Variants in HSF1 observed in about 807,000 individuals in gnomAD.
HSF1 encodes heat shock factor protein 1.
HSF1 carries 32 observed loss-of-function variants against 51.7 expected under a neutral mutation model. That is an observed-to-expected ratio of 0.62 (90% CI 0.47 to 0.83). The LOEUF (loss-of-function observed/expected upper bound fraction) is 0.83. Among genes scored for constraint, HSF1 ranks in the 40% least tolerant of loss-of-function variants. The pLI is 0.00. For missense variants in HSF1, 727 were observed against 717.0 expected (o/e 1.01, Z -0.16); for synonymous variants, 396 against 309.7 (o/e 1.28, Z -2.92).
chr8:144,313,806 GC>G, intron 10 of HSF1, 39 bp from the exon 11 acceptor site: 1 of 872,100 alleles, frequency 1.1e-6, no homozygotes, highest in Non-Finnish European at 1.5e-6. Context: ...TCCCCGCCCC[GC>G]CCCCGGGTGC....
rs1815105685 is a variant in HSF1 at position 144,291,821 on chromosome 8, C to T, written c.64C>T (p.Leu22=). ...PSNVPAFLTK[L]WTLVSDPDTD... ...CAACGTCCCGGCCTTCCTGACCAAG[C>T]TGTGGACCCTCGTGAGCGACCCGGA... Residue 22 remains leucine (L), a synonymous_variant, in exon 1 of 13, where the codon CTG becomes TTG. Transcript: ENST00000528838. The surrounding 1 kb of genome is among the most constrained non-coding windows in gnomAD (Gnocchi z 4.1). The T allele has an allele frequency of 1.1e-5, 17 of 1,558,356 alleles. No homozygotes were observed. Among genetic ancestry groups the T allele is most frequent in the Non-Finnish European group, 1.4e-5 (16 of 1,157,012 alleles).
intron 1 of HSF1, among the ~76,000 whole-genome samples, chr8:144,298,125 A>G (rs563298357): frequency 7.2e-5 from 11 of 152,278 alleles, no homozygotes; most frequent in Non-Finnish European, 1.5e-4. Flanking sequence ...GCCTGTGGTC[A>G]GCAGAGGAGG....
In HSF1 at chr8:144,314,146, C is replaced by T. The variant is rs367584997; in HGVS notation, c.1406C>T (p.Thr469Ile). The change falls in exon 13 of 13, where the codon ACA (threonine) becomes ATA (isoleucine). Residue 469 changes from threonine (T) to isoleucine (I), a missense_variant. Thr to Ile is a moderately conservative substitution (Grantham distance 89). Around this residue, in one of 2 missense-constraint regions of HSF1, gnomAD observed 470 missense variants for 398.8 expected, o/e 1.18. Coordinates refer to ENST00000528838, the MANE Select transcript of HSF1 (RefSeq NM_005526.4). ...PDSGKQLVHYTAQPLFLLDPG... is the reference protein window; with the variant it reads ...PDSGKQLVHYIAQPLFLLDPG... ...GCAGGGAAGCAGCTGGTGCACTACA[C>T]AGCGCAGCCGCTGTTCCTGCTGGAC... 3 of 1,542,836 alleles carry T rather than the reference C, an allele frequency of 1.9e-6. No individual in the cohort carries two copies. The highest frequency in any genetic ancestry group is 4.0e-5 in the Admixed American group (2 of 50,396).
chr8:144,296,722 G>T (rs1815487543), intron 1 of HSF1, among the ~76,000 whole-genome samples: 1 of 152,016 alleles, frequency 6.6e-6, no homozygotes, highest in Non-Finnish European at 1.5e-5. Context: ...CAGGAGAACG[G>T]CGTGAACCCA....
chr8:144,300,070 G>A (rs1815751759), intron 1 of HSF1, among the ~76,000 whole-genome samples: 1 of 152,150 alleles, frequency 6.6e-6, no homozygotes, highest in Non-Finnish European at 1.5e-5. Context: ...CCAGAAGCCT[G>A]GGCTTTACCT....
At chr8:144,301,550 G>C (rs760350726) in intron 1 of HSF1, among the ~76,000 whole-genome samples, 47 of 152,264 alleles carry the variant, frequency 3.1e-4, no homozygotes, top group Non-Finnish European at 5.6e-4. Flanking sequence ...GCTGGAACAG[G>C]CTGGTGAAGA....
intron 1 of HSF1, among the ~76,000 whole-genome samples, chr8:144,307,768 C>T (rs1816319154): frequency 6.6e-6 from 1 of 152,064 alleles, no homozygotes; most frequent in Admixed American, 6.5e-5. Flanking sequence ...TGCACTCCAG[C>T]CTGAGCAAGA....
chr8:144,296,952 C>G (rs1356631677), intron 1 of HSF1, among the ~76,000 whole-genome samples: 1 of 151,970 alleles, frequency 6.6e-6, no homozygotes, highest in Non-Finnish European at 1.5e-5. Flanking sequence ...GAGGAGGGGC[C>G]CAGGGCACAG....
intron 1 of HSF1, among the ~76,000 whole-genome samples, chr8:144,295,822 G>A (rs1457327823): frequency 6.6e-6 from 1 of 151,552 alleles, no homozygotes; most frequent in East Asian, 2.0e-4. Context: ...TCAGCCTCCC[G>A]AAGTGCTGGG....
At chr8:144,311,632 G>A (rs1816668124) in intron 7 of HSF1, 31 bp downstream of exon 7, 1 of 1,612,370 alleles carries the variant, frequency 6.2e-7, no homozygotes, top group African/African-American at 1.3e-5. Flanking sequence ...ACCCGCCCAG[G>A]CATGCAGGCG....
chr8:144,298,747 T>C lies in HSF1; in HGVS notation c.117+6873T>C, dbSNP rs180940337. 2.8e-3 allele frequency among the ~76,000 whole-genome samples: 432 copies of C among 152,260 alleles called. 2 individuals are homozygous for C. The highest frequency in any genetic ancestry group is 9.8e-3 in the African/African-American group (406 of 41,538). ...TTTGGGGCAGCTGAGGCAGCTAGAA[T>C]GTGTGGGGTGTGGTACCAGAAAGGA... On this transcript the variant is annotated intron_variant, in intron 1 of 12. Transcript: ENST00000528838.
chr8:144,297,769 A>C lies in HSF1; in HGVS notation c.117+5895A>C, dbSNP rs754726237. Among the ~76,000 whole-genome samples the C allele has an allele frequency of 1.3e-5, 2 of 152,190 alleles. No homozygotes were observed. Among genetic ancestry groups the C allele is most frequent in the Non-Finnish European group, 2.9e-5 (2 of 68,028 alleles). Reference sequence around the variant, plus strand: ...TCACCGGTCAGCAGATACAGCTTTGACTTGGCAGGAGGCTGGAACAAGAGG... The same window carrying C: ...TCACCGGTCAGCAGATACAGCTTTGCCTTGGCAGGAGGCTGGAACAAGAGG... On this transcript the variant is annotated intron_variant, in intron 1 of 12. Transcript: ENST00000528838. The surrounding 1 kb of genome is among the most constrained non-coding windows in gnomAD (Gnocchi z 4.6).
intron 3 of HSF1, 67 bp from the exon 4 acceptor site, chr8:144,309,705 T>C: frequency 6.3e-7 from 1 of 1,585,822 alleles, no homozygotes; most frequent in South Asian, 1.1e-5. Flanking sequence ...CTGGCTGCAG[T>C]GGACGAGCCT....
At chr8:144,295,636 C>G (rs1187504045) in intron 1 of HSF1, among the ~76,000 whole-genome samples, 1 of 152,032 alleles carries the variant, frequency 6.6e-6, no homozygotes, top group Non-Finnish European at 1.5e-5. Context: ...TCGCTGCAGC[C>G]TCTGCCTCCC....
At chr8:144,292,253 G>A (rs117467870) in intron 1 of HSF1, among the ~76,000 whole-genome samples, 1 of 152,358 alleles carries the variant, frequency 6.6e-6, no homozygotes, top group Non-Finnish European at 1.5e-5. Flanking sequence ...CGTCCCCAGG[G>A]GACAGCCTAC....
chr8:144,299,630 C>G (rs782323111), intron 1 of HSF1, among the ~76,000 whole-genome samples: 1 of 152,054 alleles, frequency 6.6e-6, no homozygotes, highest in South Asian at 2.1e-4. Flanking sequence ...TGACTGAGGG[C>G]TGGGCGTGGT....
rs374904260 is a variant in HSF1, at chr8:144,297,986, T to A, written c.117+6112T>A. On this transcript the variant is annotated intron_variant, in intron 1 of 12. Transcript: ENST00000528838. This position sits in a 1 kb window ranked among gnomAD's most constrained non-coding sequence, Gnocchi z 4.6. ...ATGAGGCCACAGGCTCCAAGTTTAC[T>A]GCAAGCTGCGGGGTTTGCTGACACC... Among the ~76,000 whole-genome samples the A allele has an allele frequency of 2.8e-4, 42 of 152,362 alleles. No individual in the cohort carries two copies. The highest frequency in any genetic ancestry group is 9.6e-4 in the African/African-American group (40 of 41,600).
intron 1 of HSF1, among the ~76,000 whole-genome samples, chr8:144,296,491 G>A (rs1486839170): frequency 3.3e-5 from 5 of 152,196 alleles, no homozygotes; most frequent in Non-Finnish European, 4.4e-5. Flanking sequence ...GCCTCCTGGT[G>A]TGGCCATAAG....
chr8:144,305,499 G>A (rs1348313011), intron 1 of HSF1, among the ~76,000 whole-genome samples: 1 of 151,478 alleles, frequency 6.6e-6, no homozygotes, highest in Non-Finnish European at 1.5e-5. Context: ...GATGGGGTTT[G>A]ACCATGTTGG....
Sources: allele counts gnomAD v4.1 joint callset (sites outside exome capture counted in the v4.1 genomes callset), GRCh38; gene constraint gnomAD v4.1.1; regional missense constraint gnomAD v4.1.1; non-coding constraint Gnocchi (gnomAD v3.1); transcripts MANE v1.5; gene names NCBI Gene and HGNC (gene_info 2026-07-23, HGNC 2026-07-21).